Variants in CNTNAP2 observed in about 807,000 individuals in gnomAD.
CNTNAP2 encodes contactin associated protein 2, also known as contactin-associated protein-like 2.
A neutral mutation model predicts 155.2 loss-of-function variants in CNTNAP2; 98 were observed. The ratio of observed to expected loss-of-function variants is 0.63; its 90% CI spans 0.54 to 0.75. The LOEUF (loss-of-function observed/expected upper bound fraction) is 0.75, where lower values mean the gene tolerates loss of function less well. Among genes scored for constraint, CNTNAP2 ranks in the 30% least tolerant of loss-of-function variants. The probability of loss-of-function intolerance (pLI) is 0.00; values close to 1 mark genes in which losing one functional copy is unlikely to be tolerated. For missense variants in CNTNAP2, 1,727 were observed against 1,688.1 expected (o/e 1.02, Z -0.40); for synonymous variants, 651 against 631.2 (o/e 1.03, Z -0.47).
chr7:146,635,403 C>T (rs1243774039), intron 1 of CNTNAP2, among the ~76,000 whole-genome samples: 1 of 152,184 alleles, frequency 6.6e-6, no homozygotes, highest in Non-Finnish European at 1.5e-5. Flanking sequence ...GAGCATGAAA[C>T]TCCTGAAGTG....
chr7:146,381,892 T>C (rs1243521898), intron 1 of CNTNAP2, among the ~76,000 whole-genome samples: 1 of 152,214 alleles, frequency 6.6e-6, no homozygotes, highest in East Asian at 1.9e-4. Flanking sequence ...TTAGAACCAT[T>C]TGTCCCAGGG....
chr7:147,363,867 G>A (rs1432592061), intron 9 of CNTNAP2, among the ~76,000 whole-genome samples: 1 of 152,138 alleles, frequency 6.6e-6, no homozygotes, highest in African/African-American at 2.4e-5. Context: ...TTTCACCTTG[G>A]ATATACCTTT....
chr7:147,033,631 T>A (rs558963409), intron 3 of CNTNAP2, among the ~76,000 whole-genome samples: 1 of 152,228 alleles, frequency 6.6e-6, no homozygotes, highest in African/African-American at 2.4e-5. Context: ...TGCACATTTA[T>A]ATTCATTTAC....
chr7:146,236,136 A>G (rs975952095), intron 1 of CNTNAP2, among the ~76,000 whole-genome samples: 1 of 152,158 alleles, frequency 6.6e-6, no homozygotes, highest in Non-Finnish European at 1.5e-5. Flanking sequence ...TTTAAATTAT[A>G]TTCTCATTTT....
intron 15 of CNTNAP2, among the ~76,000 whole-genome samples, chr7:148,021,894 T>TCCA (rs1802285539): frequency 6.6e-6 from 1 of 152,174 alleles, no homozygotes; most frequent in Non-Finnish European, 1.5e-5. Context: ...GTATACCTGC[T>TCCA]CCACCTTTCC....
At chr7:148,111,010 C>T (rs1283350008) in intron 15 of CNTNAP2, among the ~76,000 whole-genome samples, 1 of 152,186 alleles carries the variant, frequency 6.6e-6, no homozygotes, top group East Asian at 1.9e-4. Context: ...AAACAAGTCA[C>T]AGATACTGAC....
At chr7:146,823,610 A>T (rs1374343349) in intron 2 of CNTNAP2, among the ~76,000 whole-genome samples, 2 of 151,262 alleles carry the variant, frequency 1.3e-5, no homozygotes, top group African/African-American at 4.8e-5. Flanking sequence ...AAATATACTC[A>T]TTCTTCAGTA....
chr7:148,152,880 G>C (rs998319463), intron 17 of CNTNAP2, among the ~76,000 whole-genome samples: 4 of 152,054 alleles, frequency 2.6e-5, no homozygotes, highest in East Asian at 1.9e-4. Context: ...AATTAGCCAG[G>C]TGTAGTGGCA....
chr7:147,533,043 A>C (rs1799470785), intron 11 of CNTNAP2, among the ~76,000 whole-genome samples: 1 of 152,218 alleles, frequency 6.6e-6, no homozygotes, highest in Non-Finnish European at 1.5e-5. Context: ...CTCTGGGAGA[A>C]AAAATCTATC....
At chr7:146,682,975 C>T (rs1050804818) in intron 1 of CNTNAP2, among the ~76,000 whole-genome samples, 2 of 152,058 alleles carry the variant, frequency 1.3e-5, no homozygotes, top group East Asian at 3.9e-4. Context: ...ATTCTGTCAC[C>T]CTCACATTAA....
chr7:146,400,472 T>C (rs1237696918), intron 1 of CNTNAP2, among the ~76,000 whole-genome samples: 1 of 152,208 alleles, frequency 6.6e-6, no homozygotes, highest in Non-Finnish European at 1.5e-5. Flanking sequence ...TTATCTCTTA[T>C]AAGCAAAATA....
intron 21 of CNTNAP2, among the ~76,000 whole-genome samples, chr7:148,367,712 T>C (rs115165831): frequency 0.011 from 1,683 of 152,294 alleles, 36 homozygotes; most frequent in African/African-American, 0.038. Flanking sequence ...ATAACATATT[T>C]TAGAGGCGAG....
chr7:146,659,699 T>C (rs1800054230), intron 1 of CNTNAP2, among the ~76,000 whole-genome samples: 1 of 152,206 alleles, frequency 6.6e-6, no homozygotes, highest in Non-Finnish European at 1.5e-5. Context: ...ATTAAATATA[T>C]TCATCACGTC....
rs1800001530 is a variant in CNTNAP2 at position 148,416,720 on chromosome 7, AAACACTGCCATATTTT to A, written c.*1107_*1122del. The A allele has an allele frequency of 1.3e-5, 2 of 152,040 alleles. No homozygotes were observed. Among genetic ancestry groups the A allele is most frequent in the Non-Finnish European group, 3.0e-5 (2 of 67,536 alleles). The allele number at this position is 152,040 out of a possible 1,614,324, so 9.4% of individuals were successfully genotyped here. A position where few individuals can be genotyped will look rare whatever the true frequency, so the allele number is the denominator to read the frequency against. On this transcript the variant is annotated 3_prime_UTR_variant, in exon 24 of 24. Transcript: ENST00000361727. ...TTGCTGTTACTCTGGATGATATGGA[AAACACTGCCATATTTT>A]AAATCAACTACTCCACGTGTTTTTC...
At chr7:148,021,071 T>G (rs184515371) in intron 15 of CNTNAP2, among the ~76,000 whole-genome samples, 1 of 152,304 alleles carries the variant, frequency 6.6e-6, no homozygotes, top group Non-Finnish European at 1.5e-5. Context: ...TTTTTCACCT[T>G]CTGTAGACTG....
intron 10 of CNTNAP2, among the ~76,000 whole-genome samples, chr7:147,453,806 C>T (rs1316911367): frequency 2.6e-5 from 4 of 151,958 alleles, no homozygotes; most frequent in Non-Finnish European, 5.9e-5. Flanking sequence ...GAAAATGCCA[C>T]CAAAAGTTCT....
intron 1 of CNTNAP2, among the ~76,000 whole-genome samples, chr7:146,542,182 G>T (rs1009380096): frequency 2.6e-5 from 4 of 151,792 alleles, no homozygotes; most frequent in African/African-American, 7.3e-5. Context: ...CAGTTTTGAT[G>T]GGGAGCTCTG....
rs528609909 is a variant in CNTNAP2 at position 147,554,208 on chromosome 7, G to A, written c.1778-7930G>A. On this transcript the variant is annotated intron_variant, in intron 11 of 23. Transcript: ENST00000361727. ...TAACCCTGAATAAAATACAAGTAGA[G>A]TTGTTTAGGTTTAGTCATGTAATAC... Among the ~76,000 whole-genome samples, 5 of 152,226 alleles carry A rather than the reference G, an allele frequency of 3.3e-5. No individual in the cohort carries two copies. In the East Asian group the frequency reaches 5.8e-4, roughly 18 times the overall value.
rs113145897 is a variant in CNTNAP2, at chr7:147,224,705, G to A, written c.1349-75436G>A. On this transcript the variant is annotated intron_variant, in intron 8 of 23. Transcript: ENST00000361727. ...AATGGGTGAAGTATGAATGGGTGAA[G>A]TATGAATGGGTGAAGTATGAATGAG... Among the ~76,000 whole-genome samples, 1,485 of 152,226 alleles carry A rather than the reference G, an allele frequency of 9.8e-3. 23 individuals are homozygous for A. The highest frequency in any genetic ancestry group is 0.035 in the African/African-American group (1,434 of 41,530).
Sources: gnomAD v4.1 joint callset for allele counts (sites outside exome capture counted in the v4.1 genomes callset) on GRCh38, gnomAD v4.1.1 for gene constraint, MANE v1.5 for transcripts, NCBI Gene and HGNC (gene_info 2026-07-23, HGNC 2026-07-21) for gene names.